Variants in SPHKAP observed in about 807,000 individuals in gnomAD.
SPHKAP encodes A-kinase anchor protein SPHKAP.
SPHKAP carries 67 observed loss-of-function variants against 137.5 expected under a neutral mutation model. The ratio of observed to expected loss-of-function variants is 0.49; its 90% CI spans 0.40 to 0.60. The LOEUF (loss-of-function observed/expected upper bound fraction) is 0.60. Ranked by LOEUF, SPHKAP falls within the 20% of genes least tolerant of loss-of-function variation. The pLI is 0.00. For synonymous variants in SPHKAP, 813 were observed against 785.3 expected, an observed-to-expected ratio of 1.04 and a Z score of -0.59; for missense variants, 2,097 against 2,069.3, an observed-to-expected ratio of 1.01 and a Z score of -0.26.
At chr2:228,102,769 G>T (rs1254082110) in intron 3 of SPHKAP, among the ~76,000 whole-genome samples, 1 of 151,932 alleles carries the variant, frequency 6.6e-6, no homozygotes, top group Non-Finnish European at 1.5e-5. Context: ...TTGAAACAGG[G>T]TCTCACTCTG....
intron 2 of SPHKAP, among the ~76,000 whole-genome samples, chr2:228,125,150 T>C (rs1261706807): frequency 6.6e-6 from 1 of 152,162 alleles, no homozygotes; most frequent in African/African-American, 2.4e-5. Context: ...TGTTGATTTT[T>C]CTCCAACAAG....
chr2:228,103,170 T>C (rs1368901670), intron 3 of SPHKAP, among the ~76,000 whole-genome samples: 1 of 152,202 alleles, frequency 6.6e-6, no homozygotes, highest in Non-Finnish European at 1.5e-5. Context: ...TGTGTCATGC[T>C]TTTCCCCCAA....
intron 4 of SPHKAP, among the ~76,000 whole-genome samples, chr2:228,027,098 A>G (rs1021449453): frequency 2.0e-5 from 3 of 152,218 alleles, no homozygotes; most frequent in Non-Finnish European, 2.9e-5. Context: ...CAGGATGCAA[A>G]AAGTTCAAGC....
chr2:228,161,264 G>T (rs900719981), intron 1 of SPHKAP, among the ~76,000 whole-genome samples: 12 of 152,202 alleles, frequency 7.9e-5, no homozygotes, highest in Admixed American at 6.5e-4. Flanking sequence ...GACAGTGAGA[G>T]AATGTGAAAG....
At chr2:228,150,486 G>A (rs182331686) in intron 1 of SPHKAP, among the ~76,000 whole-genome samples, 2 of 152,068 alleles carry the variant, frequency 1.3e-5, no homozygotes, top group East Asian at 3.9e-4. Context: ...ATTTCTTCTT[G>A]AGTTACTTTA....
At chr2:228,002,781 C>T (rs982226725) in intron 7 of SPHKAP, among the ~76,000 whole-genome samples, 6 of 152,192 alleles carry the variant, frequency 3.9e-5, no homozygotes, top group Admixed American at 6.5e-5. Context: ...CAGCTTTCTA[C>T]ATATGGCTAG....
chr2:228,120,143 G>C (rs1698860896), intron 2 of SPHKAP, among the ~76,000 whole-genome samples: 1 of 152,128 alleles, frequency 6.6e-6, no homozygotes, highest in Non-Finnish European at 1.5e-5. Context: ...GGTTATTAGT[G>C]AGCCTACCAT....
In SPHKAP at chr2:228,096,197, AGT is replaced by A. The variant is rs374355043; in HGVS notation, c.246+12633_246+12634del. Among the ~76,000 whole-genome samples the A allele has an allele frequency of 5.8e-4, 89 of 152,266 alleles. 1 individual carries two copies. The Middle Eastern group carries it at 0.024, about 41-fold the overall frequency. ...ATTCTAATGAAACCGGGAAAAGGGC[AGT>A]GACTGGGAGTGAGGGCTGATCAGGA... On this transcript the variant is annotated intron_variant, in intron 3 of 11. Coordinates refer to ENST00000392056, the MANE Select transcript of SPHKAP (RefSeq NM_001142644.2).
chr2:228,120,425 A>T (rs952716242), intron 2 of SPHKAP, among the ~76,000 whole-genome samples: 1 of 152,146 alleles, frequency 6.6e-6, no homozygotes, highest in African/African-American at 2.4e-5. Context: ...TGAGCACAAA[A>T]TGGAGATGCT....
chr2:228,098,840 C>T (rs543842091), intron 3 of SPHKAP, among the ~76,000 whole-genome samples: 36 of 147,352 alleles, frequency 2.4e-4, no homozygotes, highest in Middle Eastern at 3.5e-3. Context: ...GATTTCTTAA[C>T]GGGGTGGTTT....
intron 7 of SPHKAP, among the ~76,000 whole-genome samples, chr2:228,015,799 C>G (rs1296411224): frequency 6.6e-6 from 1 of 151,776 alleles, no homozygotes; most frequent in African/African-American, 2.4e-5. Flanking sequence ...AGACAAAAAA[C>G]AAAAACAGAA....
intron 3 of SPHKAP, among the ~76,000 whole-genome samples, chr2:228,102,875 G>A (rs911849316): frequency 1.3e-5 from 2 of 151,958 alleles, no homozygotes; most frequent in South Asian, 4.2e-4. Flanking sequence ...CCAAATAGCT[G>A]GGACTACAGG....
chr2:228,159,057 G>T lies in SPHKAP; in HGVS notation c.32+22510C>A, dbSNP rs985794898. Among the ~76,000 whole-genome samples the T allele has an allele frequency of 2.6e-5, 4 of 152,250 alleles. No homozygotes were observed. The East Asian group carries it at 5.8e-4, about 22-fold the overall frequency. On this transcript the variant is annotated intron_variant, in intron 1 of 11. Transcript: ENST00000392056. ...GGATGAAGTAATTTACCAATGGGCG[G>T]TGATGGAGTCAGGGTTCCAGTCTGG... is the stretch of plus-strand genomic sequence containing the variant.
chr2:228,059,167 C>T (rs1320422651), intron 3 of SPHKAP, among the ~76,000 whole-genome samples: 1 of 152,170 alleles, frequency 6.6e-6, no homozygotes, highest in Admixed American at 6.5e-5. Context: ...TCTGGATGCA[C>T]CATGGTTTGT....
chr2:228,157,593 T>A (rs970165645), intron 1 of SPHKAP, among the ~76,000 whole-genome samples: 2 of 152,334 alleles, frequency 1.3e-5, no homozygotes, highest in South Asian at 2.1e-4. Flanking sequence ...GTCGTTTTTT[T>A]AATAGACTTC....
chr2:228,001,812 GTGAA>G (rs1559340019), intron 7 of SPHKAP, among the ~76,000 whole-genome samples: 12 of 151,840 alleles, frequency 7.9e-5, no homozygotes, highest in African/African-American at 1.5e-4. Context: ...GAGTGAGAAC[GTGAA>G]GTGTTTGGTT....
chr2:228,021,121 C>T (rs531054237), intron 6 of SPHKAP, among the ~76,000 whole-genome samples: 12 of 152,150 alleles, frequency 7.9e-5, no homozygotes, highest in Non-Finnish European at 1.5e-4. Flanking sequence ...GGAGGAGGAA[C>T]GCATTGTTCA....
chr2:228,033,516 G>T (rs1287851150), intron 3 of SPHKAP, among the ~76,000 whole-genome samples: 1 of 152,144 alleles, frequency 6.6e-6, no homozygotes, highest in Non-Finnish European at 1.5e-5. Context: ...ACTCATCTCT[G>T]CAGCAAGCAG....
intron 3 of SPHKAP, among the ~76,000 whole-genome samples, chr2:228,030,850 G>A (rs1695282289): frequency 6.6e-6 from 1 of 152,090 alleles, no homozygotes; most frequent in Admixed American, 6.6e-5. Context: ...TGACATGGTT[G>A]ACTGATTTTT....
Sources: gnomAD v4.1 joint callset for allele counts (sites outside exome capture counted in the v4.1 genomes callset) on GRCh38, gnomAD v4.1.1 for gene constraint, MANE v1.5 for transcripts, NCBI Gene and HGNC (gene_info 2026-07-23, HGNC 2026-07-21) for gene names.